Variants in ACTN4 observed in about 807,000 individuals in gnomAD.
The protein encoded by ACTN4 is actinin alpha 4.
A neutral mutation model predicts 114.2 loss-of-function variants in ACTN4; 18 were observed. That is an observed-to-expected ratio of 0.16 (90% confidence interval 0.11 to 0.23). The LOEUF is 0.23. ACTN4 is among the 10% of genes least tolerant of loss of function. The probability of loss-of-function intolerance (pLI) is 1.00; values close to 1 mark genes in which losing one functional copy is unlikely to be tolerated. For synonymous variants in ACTN4, 515 were observed against 506.3 expected (o/e 1.02, Z -0.23); for missense variants, 722 against 1,262.9 (o/e 0.57, Z 6.49).
chr19:38,725,672 A>G, intron 16 of ACTN4, 52 bp from the exon 17 acceptor site: 1 of 1,591,000 alleles, frequency 6.3e-7, no homozygotes, highest in Non-Finnish European at 8.6e-7. Context: ...CCAGGTGGTC[A>G]GTGGGGGCAG....
rs772093279 is a variant in ACTN4 at position 38,717,322 on chromosome 19, C to G, written c.1143+6C>G. On this transcript the variant is annotated splice_donor_region_variant and intron_variant, in intron 10 of 20. Coordinates refer to ENST00000252699, the MANE Select transcript of ACTN4 (RefSeq NM_004924.6). The surrounding 1 kb of genome is among the most constrained non-coding windows in gnomAD (Gnocchi z 4.0). ...CCGAGGGCAAGATGGTCTCGGTGAG[C>G]ACCAGGATTCACATGGGAGCAGCTG... 4 of 1,612,900 alleles carry G rather than the reference C, an allele frequency of 2.5e-6. No individual in the cohort carries two copies. In the African/African-American group the frequency reaches 5.3e-5, roughly 22 times the overall value.
intron 3 of ACTN4, among the ~76,000 whole-genome samples, chr19:38,703,189 G>A (rs1968341049): frequency 6.6e-6 from 1 of 151,998 alleles, no homozygotes. Context: ...AAGTTACTGA[G>A]GCTGAAGAAG....
chr19:38,728,911 T>C (rs1969365621), intron 19 of ACTN4, 85 bp from the exon 20 acceptor site: 1 of 1,565,824 alleles, frequency 6.4e-7, no homozygotes, highest in Admixed American at 1.7e-5. Flanking sequence ...TCTCGGCTGT[T>C]TCCCTGGAGA....
At chr19:38,697,170 G>A (rs373701426) in intron 1 of ACTN4, among the ~76,000 whole-genome samples, 3 of 152,204 alleles carry the variant, frequency 2.0e-5, no homozygotes, top group Non-Finnish European at 4.4e-5. Flanking sequence ...TATGGAGGGC[G>A]GGTAGGGCAG....
intron 1 of ACTN4, among the ~76,000 whole-genome samples, chr19:38,683,637 A>G (rs951076008): frequency 6.6e-6 from 1 of 152,156 alleles, no homozygotes; most frequent in Non-Finnish European, 1.5e-5. Context: ...GTTATTTCCT[A>G]TATTTCCAGA....
chr19:38,684,343 C>T (rs974026795), intron 1 of ACTN4, among the ~76,000 whole-genome samples: 4 of 152,170 alleles, frequency 2.6e-5, no homozygotes, highest in African/African-American at 9.7e-5. Context: ...CCTCCTCGGT[C>T]CTCTTCCCAT....
rs1013711568 is a variant in ACTN4 at position 38,710,335 on chromosome 19, C to T, written c.812C>T (p.Ala271Val). 7 of 1,613,636 alleles carry T rather than the reference C, an allele frequency of 4.3e-6. No homozygotes were observed. The highest frequency in any genetic ancestry group is 2.7e-5 in the African/African-American group (2 of 74,940). The change falls in exon 8 of 21, where the codon GCG (alanine) becomes GTG (valine). Residue 271 changes from alanine to valine, a missense_variant. By Grantham distance (64) the Ala-to-Val change is moderately conservative. This residue lies in a region of ACTN4 where 127 missense variants were observed against 311.3 expected (regional missense o/e 0.41). Coordinates refer to ENST00000252699, the MANE Select transcript of ACTN4 (RefSeq NM_004924.6). ...VSSFYHAFSG[A>V]QKAETAANRI... is the part of the protein sequence containing the mutation. ...AGCTTCTACCATGCCTTTTCAGGAG[C>T]GCAGAAGGTACCGAGCAGGGCCAGG...
At chr19:38,728,149 C>T in intron 19 of ACTN4, 123 bp downstream of exon 19, 1 of 1,343,194 alleles carries the variant, frequency 7.4e-7, no homozygotes, top group Non-Finnish European at 1.0e-6. Context: ...GGCTCTCTTG[C>T]CTCCCTGCCC....
chr19:38,675,758 C>G (rs771724758), intron 1 of ACTN4, among the ~76,000 whole-genome samples: 1 of 152,190 alleles, frequency 6.6e-6, no homozygotes, highest in African/African-American at 2.4e-5. Context: ...CCAGCTTCTC[C>G]TTACCCAACT....
intron 11 of ACTN4, chr19:38,718,375 A>T: frequency 2.2e-6 from 1 of 456,042 alleles, no homozygotes; most frequent in Non-Finnish European, 4.1e-6. Context: ...AAAAAATTTT[A>T]GAATAATAAA....
Position 38,724,691 on chromosome 19 carries a change from A to T in ACTN4, c.2010+126A>T. 4.0e-6 allele frequency: 6 copies of T among 1,493,204 alleles called. No individual in the cohort carries two copies. In the Admixed American group the frequency reaches 1.1e-4, roughly 27 times the overall value. The allele number at this position is 1,493,204 out of a possible 1,614,324, so 92.5% of individuals were successfully genotyped here. A position where few individuals can be genotyped will look rare whatever the true frequency, so the allele number is the denominator to read the frequency against. On this transcript the variant is annotated intron_variant, in intron 16 of 20. Transcript: ENST00000252699. The surrounding 1 kb of genome is among the most constrained non-coding windows in gnomAD (Gnocchi z 7.0). ...GGCAGAGCAGGTCCCAATTCTCACCACCCAGGGGCCGTGATCACCCTGCGG... is the reference window on the plus strand; with the variant it reads ...GGCAGAGCAGGTCCCAATTCTCACCTCCCAGGGGCCGTGATCACCCTGCGG...
rs1399228190 is a variant in ACTN4, at chr19:38,729,720, A to ACAG, written c.*291_*293dup. On this transcript the variant is annotated 3_prime_UTR_variant, in exon 21 of 21. Coordinates refer to ENST00000252699, the MANE Select transcript of ACTN4 (RefSeq NM_004924.6). ...ACCAAGGAGGGGCCAGTGGATTCCCACAGCACAACCGGTCCCTTCCATGCC... is the reference window on the plus strand; with the variant it reads ...ACCAAGGAGGGGCCAGTGGATTCCCACAGCAGCACAACCGGTCCCTTCCATGCC... The ACAG allele has an allele frequency of 1.3e-5, 8 of 612,248 alleles. No individual in the cohort carries two copies. Among genetic ancestry groups the ACAG allele is most frequent in the Non-Finnish European group, 2.1e-5 (7 of 329,674 alleles). The allele number at this position is 612,248 out of a possible 1,614,324, so 37.9% of individuals were successfully genotyped here.
intron 1 of ACTN4, among the ~76,000 whole-genome samples, chr19:38,657,539 C>T (rs1376513743): frequency 1.3e-5 from 2 of 152,216 alleles, no homozygotes; most frequent in Non-Finnish European, 2.9e-5. Flanking sequence ...TATCTTACCT[C>T]CTGAGTAGTA....
At chr19:38,676,645 T>C (rs1215042573) in intron 1 of ACTN4, among the ~76,000 whole-genome samples, 5 of 152,204 alleles carry the variant, frequency 3.3e-5, no homozygotes, top group African/African-American at 1.2e-4. Context: ...AGGCTGCCTT[T>C]CTGCTCTCTA....
chr19:38,691,421 A>C (rs1372052718), intron 1 of ACTN4, among the ~76,000 whole-genome samples: 1 of 150,352 alleles, frequency 6.7e-6, no homozygotes, highest in Non-Finnish European at 1.5e-5. Flanking sequence ...AAAACAAAAA[A>C]AACAAAAAAA....
chr19:38,666,738 C>T (rs1360664669), intron 1 of ACTN4, among the ~76,000 whole-genome samples: 2 of 152,198 alleles, frequency 1.3e-5, no homozygotes, highest in East Asian at 1.9e-4. Context: ...TAGAGTGGGG[C>T]CCCCAGAAAT....
intron 1 of ACTN4, among the ~76,000 whole-genome samples, chr19:38,664,780 A>G (rs1402351813): frequency 6.6e-6 from 1 of 152,100 alleles, no homozygotes; most frequent in South Asian, 2.1e-4. Context: ...TCCTTATGAG[A>G]TGCTGCCTTC....
At chr19:38,659,348 C>T (rs1006386627) in intron 1 of ACTN4, among the ~76,000 whole-genome samples, 1 of 152,012 alleles carries the variant, frequency 6.6e-6, no homozygotes, top group Admixed American at 6.6e-5. Context: ...TGAGCCACCG[C>T]GCCCAGCCCC....
Position 38,704,921 on chromosome 19 carries a change from TC to T in ACTN4, c.398-10del. ...AACGACCTTCTGCCCTCTGCCCCCTTCCCTGTGTGCAGAGATTGTGGACGGC... is the reference window on the plus strand; with the variant it reads ...AACGACCTTCTGCCCTCTGCCCCCTTCCTGTGTGCAGAGATTGTGGACGGC... On this transcript the variant is annotated splice_polypyrimidine_tract_variant and intron_variant, in intron 3 of 20. Transcript: ENST00000252699. 1.2e-6 allele frequency: 2 copies of T among 1,612,288 alleles called. No homozygotes were observed. Among genetic ancestry groups the T allele is most frequent in the East Asian group, 4.5e-5 (2 of 44,886 alleles).
Sources: gnomAD v4.1 joint callset for allele counts (sites outside exome capture counted in the v4.1 genomes callset) on GRCh38, gnomAD v4.1.1 for gene constraint, gnomAD v4.1.1 regional missense constraint, Gnocchi (gnomAD v3.1) non-coding constraint, MANE v1.5 for transcripts, NCBI Gene and HGNC (gene_info 2026-07-23, HGNC 2026-07-21) for gene names.